UBR4: variants seen among roughly 807,000 people sequenced by gnomAD.
UBR4 encodes ubiquitin protein ligase E3 component n-recognin 4.
Under a neutral mutation model 575.6 loss-of-function variants are expected in UBR4, and 124 were observed. The ratio of observed to expected loss-of-function variants is 0.22; its 90% confidence interval spans 0.19 to 0.25. UBR4 has a LOEUF of 0.25. UBR4 is among the 10% of genes least tolerant of loss of function. UBR4 has a pLI of 1.00. For synonymous variants in UBR4, 2,455 were observed against 2,473.7 expected, an observed-to-expected ratio of 0.99 and a Z score of 0.22; for missense variants, 4,818 against 6,478.8, an observed-to-expected ratio of 0.74 and a Z score of 8.80.
intron 31 of UBR4, 55 bp downstream of exon 31, chr1:19,165,194 G>GAAT: frequency 2.6e-6 from 4 of 1,532,202 alleles, no homozygotes; most frequent in Non-Finnish European, 2.7e-6. Context: ...GATATGCACA[G>GAAT]TATTAGCCGG....
rs766893157 is a variant in UBR4 at position 19,155,040 on chromosome 1, G to A, written c.6336C>T (p.Ser2112=). 16 of 1,613,880 alleles carry A rather than the reference G, an allele frequency of 9.9e-6. No individual in the cohort carries two copies. The African/African-American group carries it at 1.2e-4, about 12-fold the overall frequency. ...SNSQVAGGGV[S]VYYSHVLQML... ...TCTGCAACACGTGGGAGTAGTACAC[G>A]GACACACCACCGCCCGCCACCTGGC... Residue 2112 remains serine (S), a synonymous_variant, in exon 44 of 106, where the codon TCC becomes TCT. Coordinates refer to ENST00000375254, the MANE Select transcript of UBR4 (RefSeq NM_020765.3).
At chr1:19,170,285 G>A (rs923195266) in intron 26 of UBR4, among the ~76,000 whole-genome samples, 1 of 152,230 alleles carries the variant, frequency 6.6e-6, no homozygotes, top group Non-Finnish European at 1.5e-5. Flanking sequence ...TGGGATCCCA[G>A]CTACTTGGGA....
chr1:19,137,969 T>TAGTCTC, intron 60 of UBR4, 38 bp downstream of exon 60: 1 of 1,442,040 alleles, frequency 6.9e-7, no homozygotes. Flanking sequence ...TAGTCTCAGA[T>TAGTCTC]AGGCAAGCCT....
chr1:19,207,357 A>G (rs933172578), intron 1 of UBR4, among the ~76,000 whole-genome samples: 12 of 152,386 alleles, frequency 7.9e-5, no homozygotes, highest in Non-Finnish European at 1.5e-4. Context: ...GGCTGGGTGC[A>G]GTGGCTCACG....
rs2081807857 is a variant in UBR4, at chr1:19,126,468, A to T, written c.9416T>A (p.Phe3139Tyr). Residue 3139 changes from phenylalanine (F) to tyrosine (Y), a missense_variant, in exon 64 of 106, where the codon TTC (phenylalanine) becomes TAC (tyrosine). Physicochemically the swap from Phe to Tyr is conservative, Grantham distance 22 (BLOSUM62 3). This residue lies in a region of UBR4 where 550 missense variants were observed against 791.5 expected (regional missense o/e 0.69). Transcript: ENST00000375254. ...TTSSPPDMSP[F>Y]FLRQYVKGHA... ...CACCTTCACATACTGGCGGAGAAAG[A>T]ATGGGCTCATGTCAGGTGGGGAGGA... The T allele has an allele frequency of 6.2e-7, 1 of 1,614,062 alleles. No individual in the cohort carries two copies. The highest frequency in any genetic ancestry group is 8.5e-7 in the Non-Finnish European group (1 of 1,180,022).
At chr1:19,113,604 T>C (rs2149342303) in intron 77 of UBR4, 95 bp downstream of exon 77, 1 of 1,556,090 alleles carries the variant, frequency 6.4e-7, no homozygotes, top group Non-Finnish European at 8.7e-7. Context: ...CACCAAGACC[T>C]GGACTGCTAG....
chr1:19,184,965 A>G (rs186494986), intron 15 of UBR4, 134 bp downstream of exon 15: 151 of 1,073,394 alleles, frequency 1.4e-4, no homozygotes, highest in South Asian at 7.5e-4. Flanking sequence ...ATCAAGACAT[A>G]TAAGTCCTAA....
chr1:19,186,620 C>T lies in UBR4; in HGVS notation c.1670G>A (p.Ser557Asn), dbSNP rs2091550500. ...GTCGGTGGAGGCGCTGGCATCGCTGCTCATGGAGCCCTTCCTCTGCCGCTG... is the reference window on the plus strand; with the variant it reads ...GTCGGTGGAGGCGCTGGCATCGCTGTTCATGGAGCCCTTCCTCTGCCGCTG... ...VLQRQRKGSM[S>N]SDASASTDSN... The change falls in exon 14 of 106, where the codon AGC (serine) becomes AAC (asparagine). Residue 557 changes from serine (S) to asparagine (N), a missense_variant. Physicochemically the swap from Ser to Asn is conservative, Grantham distance 46. Around this residue, in one of 29 missense-constraint regions of UBR4, gnomAD observed 162 missense variants for 216.4 expected, o/e 0.75. Coordinates refer to ENST00000375254, the MANE Select transcript of UBR4 (RefSeq NM_020765.3). The T allele has an allele frequency of 1.2e-6, 2 of 1,614,024 alleles. No homozygotes were observed. Among genetic ancestry groups the T allele is most frequent in the South Asian group, 1.1e-5 (1 of 91,084 alleles).
In UBR4 at chr1:19,117,397, G is replaced by A; in HGVS notation, c.10647C>T (p.Ser3549=). 6.2e-7 allele frequency: 1 copy of A among 1,614,150 alleles called. No individual in the cohort carries two copies. The highest frequency in any genetic ancestry group is 1.1e-5 in the South Asian group (1 of 91,076). ...EVPFCYIKLS[S]IKVDTRYTTT... ...TGGTGTACCGCGTGTCCACTTTAAT[G>A]GAAGACAGCTTGATATACTAAATAC... Residue 3549 remains serine, a synonymous_variant, in exon 73 of 106, where the codon TCC becomes TCT. Transcript: ENST00000375254. This position sits in a 1 kb window ranked among gnomAD's most constrained non-coding sequence, Gnocchi z 4.0.
intron 71 of UBR4, 91 bp downstream of exon 71, chr1:19,118,781 T>C (rs2080867256): frequency 7.5e-7 from 1 of 1,338,522 alleles, no homozygotes; most frequent in Non-Finnish European, 1.1e-6. Flanking sequence ...CAGGCGCTTG[T>C]CAATTCCTAT....
chr1:19,151,187 A>G, intron 48 of UBR4: 1 of 322,526 alleles, frequency 3.1e-6, no homozygotes, highest in Non-Finnish European at 5.8e-6. Flanking sequence ...AGTGGCCAAT[A>G]AATGACAGAG....
At chr1:19,209,913 C>A (rs1052315347) in intron 1 of UBR4, among the ~76,000 whole-genome samples, 160 bp downstream of exon 1, 1 of 152,156 alleles carries the variant, frequency 6.6e-6, no homozygotes, top group African/African-American at 2.4e-5. Context: ...GGAGGGAAAC[C>A]CAGGCAAGCC....
rs2092160067 is a variant in UBR4 at position 19,192,463 on chromosome 1, G to A, written c.1203+18C>T. The A allele has an allele frequency of 1.2e-6, 2 of 1,614,032 alleles. No individual in the cohort carries two copies. Among genetic ancestry groups the A allele is most frequent in the Non-Finnish European group, 8.5e-7 (1 of 1,180,036 alleles). ...GACAAGATAGGAAGTATGCAGCAGA[G>A]ACAGATACGCTTCTTACCTCACCAC... On this transcript the variant is annotated intron_variant, in intron 10 of 105. Transcript: ENST00000375254.
chr1:19,158,045 A>C, intron 39 of UBR4, 48 bp from the exon 40 acceptor site: 1 of 1,575,744 alleles, frequency 6.3e-7, no homozygotes, highest in Non-Finnish European at 8.7e-7. Flanking sequence ...AGGCAAATAA[A>C]ATCAAGTGGA....
Position 19,095,451 on chromosome 1 carries a change from G to A in UBR4, c.13626+94C>T, listed in dbSNP as rs552508322. On this transcript the variant is annotated intron_variant, in intron 93 of 105. Coordinates refer to ENST00000375254, the MANE Select transcript of UBR4 (RefSeq NM_020765.3). Reference sequence around the variant, plus strand: ...GAGAGATGAAGGGCTTGAAGAAGCCGTGAGTCCATTTCATCTGAGCCCAGA... The same window carrying A: ...GAGAGATGAAGGGCTTGAAGAAGCCATGAGTCCATTTCATCTGAGCCCAGA... 7.3e-5 allele frequency: 87 copies of A among 1,195,018 alleles called. No homozygotes were observed. The African/African-American group carries it at 8.4e-4, about 12-fold the overall frequency. The allele number at this position is 1,195,018 out of a possible 1,614,324, so 74.0% of individuals were successfully genotyped here.
chr1:19,167,703 A>G (rs1423552627), intron 28 of UBR4, among the ~76,000 whole-genome samples: 1 of 152,216 alleles, frequency 6.6e-6, no homozygotes, highest in African/African-American at 2.4e-5. Flanking sequence ...TTATCCCACT[A>G]TGATTCTGGA....
intron 38 of UBR4, 97 bp from the exon 39 acceptor site, chr1:19,160,378 A>G (rs921124256): frequency 3.1e-4 from 363 of 1,184,836 alleles, no homozygotes; most frequent in Non-Finnish European, 3.9e-4. Flanking sequence ...CTTCCTTCAG[A>G]ATCCAGCTAC....
At chr1:19,103,953 T>A (rs1426427069) in intron 87 of UBR4, 131 bp downstream of exon 87, 10 of 1,053,654 alleles carry the variant, frequency 9.5e-6, no homozygotes, top group Non-Finnish European at 1.4e-5. Context: ...GAAATGAGTC[T>A]CCCTTTGAAT....
At chr1:19,128,495 G>A (rs1444737650) in intron 61 of UBR4, among the ~76,000 whole-genome samples, 177 bp from the exon 62 acceptor site, 1 of 152,210 alleles carries the variant, frequency 6.6e-6, no homozygotes, top group Non-Finnish European at 1.5e-5. Flanking sequence ...AGTCAGAAAA[G>A]TCAAATTCTG....
Sources: gnomAD v4.1 joint callset for allele counts (sites outside exome capture counted in the v4.1 genomes callset) on GRCh38, gnomAD v4.1.1 for gene constraint, gnomAD v4.1.1 regional missense constraint, Gnocchi (gnomAD v3.1) non-coding constraint, MANE v1.5 for transcripts, NCBI Gene and HGNC (gene_info 2026-07-23, HGNC 2026-07-21) for gene names.